CUBN: variants seen among roughly 807,000 people sequenced by gnomAD.
CUBN encodes cubilin.
Under a neutral mutation model 405.3 loss-of-function variants are expected in CUBN, and 282 were observed. The observed-to-expected ratio is 0.70, with a 90% confidence interval of 0.63 to 0.77. CUBN has a LOEUF of 0.77. CUBN is among the 30% of genes least tolerant of loss of function. CUBN has a pLI of 0.00. For synonymous variants in CUBN, 1,684 were observed against 1,617.0 expected, an observed-to-expected ratio of 1.04 and a Z score of -0.99; for missense variants, 4,514 against 4,475.2, an observed-to-expected ratio of 1.01 and a Z score of -0.25.
At chr10:16,975,505 A>G (rs777087201) in intron 31 of CUBN, among the ~76,000 whole-genome samples, 8 of 152,172 alleles carry the variant, frequency 5.3e-5, no homozygotes, top group Non-Finnish European at 7.3e-5. Context: ...TCTGCACTGT[A>G]TCAAAGAAAA....
intron 27 of CUBN, among the ~76,000 whole-genome samples, chr10:17,038,463 G>C (rs1834945670): frequency 6.6e-6 from 1 of 152,152 alleles, no homozygotes; most frequent in Admixed American, 6.5e-5. Context: ...AAATAATAAA[G>C]GATGCATTTG....
At chr10:17,103,304 C>T in intron 12 of CUBN, 67 bp from the exon 13 acceptor site, 4 of 941,454 alleles carry the variant, frequency 4.2e-6, no homozygotes, top group Non-Finnish European at 7.0e-6. Flanking sequence ...GCAACTGTAA[C>T]CCTGCTGCTG....
chr10:16,877,768 T>A (rs1371563943), intron 56 of CUBN, among the ~76,000 whole-genome samples: 1 of 151,676 alleles, frequency 6.6e-6, no homozygotes, highest in Non-Finnish European at 1.5e-5. Context: ...CAGCCTACCA[T>A]CCCCCAAAGA....
rs965731779 is a variant in CUBN at position 16,991,139 on chromosome 10, T to A, written c.4169-624A>T. On this transcript the variant is annotated intron_variant, in intron 28 of 66. Coordinates refer to ENST00000377833, the MANE Select transcript of CUBN (RefSeq NM_001081.4). ...CAGCATGTGTTTCAGAATCTTGATA[T>A]GTCATGCCTTAGAAAGCCATTCAGG... 3.9e-5 allele frequency among the ~76,000 whole-genome samples: 6 copies of A among 152,242 alleles called. No individual in the cohort carries two copies. In the South Asian group the frequency reaches 6.2e-4, roughly 16 times the overall value.
chr10:16,869,138 C>T (rs1323519798), intron 59 of CUBN, among the ~76,000 whole-genome samples: 1 of 151,260 alleles, frequency 6.6e-6, no homozygotes, highest in Non-Finnish European at 1.5e-5. Context: ...GTTCTTCTAG[C>T]CTTCCTCCAC....
chr10:16,986,511 T>C (rs563215699), intron 29 of CUBN, among the ~76,000 whole-genome samples: 1 of 152,122 alleles, frequency 6.6e-6, no homozygotes, highest in African/African-American at 2.4e-5. Context: ...GAAACGGCTG[T>C]TACACAGAGG....
At chr10:16,828,691 C>T in intron 66 of CUBN, 114 bp downstream of exon 66, 1 of 855,732 alleles carries the variant, frequency 1.2e-6, no homozygotes, top group Non-Finnish European at 1.9e-6. Context: ...CACTGCACTC[C>T]AGCCTGGGTG....
intron 9 of CUBN, 81 bp from the exon 10 acceptor site, chr10:17,109,816 T>A: frequency 6.6e-6 from 7 of 1,066,416 alleles, no homozygotes; most frequent in Non-Finnish European, 1.0e-5. Context: ...TCAAATATCA[T>A]GAAATGGACC....
At chr10:17,065,682 G>A (rs768862207) in intron 21 of CUBN, 44 bp from the exon 22 acceptor site, 1 of 1,610,276 alleles carries the variant, frequency 6.2e-7, no homozygotes, top group East Asian at 2.2e-5. Flanking sequence ...TTTTAGTTTG[G>A]TATACTGAAA....
At chr10:17,128,387 A>C (rs1296323980) in intron 2 of CUBN, among the ~76,000 whole-genome samples, 1 of 152,230 alleles carries the variant, frequency 6.6e-6, no homozygotes, top group Non-Finnish European at 1.5e-5. Context: ...AGCACAGTGG[A>C]TGGCCCACAG....
chr10:16,879,450 T>A (rs1840606938), intron 56 of CUBN, among the ~76,000 whole-genome samples: 1 of 152,234 alleles, frequency 6.6e-6, no homozygotes, highest in African/African-American at 2.4e-5. Flanking sequence ...TACTTACAAA[T>A]GCCCCATTGG....
rs1842174610 is a variant in CUBN, at chr10:16,925,831, A to G, written c.6272-57T>C. 5 of 1,520,490 alleles carry G rather than the reference A, an allele frequency of 3.3e-6. No individual in the cohort carries two copies. The African/African-American group carries it at 6.9e-5, about 21-fold the overall frequency. The allele number at this position is 1,520,490 out of a possible 1,614,324, so 94.2% of individuals were successfully genotyped here. On this transcript the variant is annotated intron_variant, in intron 41 of 66. Coordinates refer to ENST00000377833, the MANE Select transcript of CUBN (RefSeq NM_001081.4). ...AAATAGCATTGGCAACTGGATTTTT[A>G]TGCTTTCTTAGTTTTCTTGGGGGGT...
intron 22 of CUBN, among the ~76,000 whole-genome samples, chr10:17,064,076 G>T (rs181252263): frequency 9.2e-5 from 14 of 152,334 alleles, no homozygotes; most frequent in Admixed American, 4.6e-4. Flanking sequence ...ATGAAGTCCA[G>T]TGAATACGTC....
chr10:16,929,835 G>A (rs891163952), intron 40 of CUBN, among the ~76,000 whole-genome samples: 9 of 152,126 alleles, frequency 5.9e-5, no homozygotes, highest in African/African-American at 2.2e-4. Flanking sequence ...ATTAGTTCAC[G>A]TGTATATTTT....
chr10:17,028,229 ATT>A (rs1161343388), intron 27 of CUBN, among the ~76,000 whole-genome samples: 3 of 5,846 alleles, frequency 5.1e-4, no homozygotes, highest in Non-Finnish European at 3.8e-3. Flanking sequence ...CTAAACATTT[ATT>A]ATTATTATTA....
intron 34 of CUBN, among the ~76,000 whole-genome samples, chr10:16,949,102 C>A (rs555758439): frequency 2.0e-4 from 31 of 152,264 alleles, no homozygotes; most frequent in African/African-American, 7.2e-4. Context: ...AATAATGAAA[C>A]CTATCTCATA....
At chr10:16,979,543 C>G (rs961701125) in intron 31 of CUBN, among the ~76,000 whole-genome samples, 6 of 152,146 alleles carry the variant, frequency 3.9e-5, no homozygotes, top group Non-Finnish European at 1.5e-5. Context: ...CGCCACACAT[C>G]TACAACCATC....
At chr10:16,935,353 C>T (rs1842470687) in intron 39 of CUBN, among the ~76,000 whole-genome samples, 1 of 151,818 alleles carries the variant, frequency 6.6e-6, no homozygotes, top group Non-Finnish European at 1.5e-5. Context: ...GGGTCTCCCT[C>T]TGTTGCCCAG....
intron 17 of CUBN, among the ~76,000 whole-genome samples, chr10:17,078,299 C>T (rs80119430): frequency 0.036 from 5,441 of 152,118 alleles, 224 homozygotes; most frequent in South Asian, 0.22. Flanking sequence ...GGTCTATTTC[C>T]AATTATTTTA....
Sources: gnomAD v4.1 joint callset for allele counts (sites outside exome capture counted in the v4.1 genomes callset) on GRCh38, gnomAD v4.1.1 for gene constraint, MANE v1.5 for transcripts, NCBI Gene and HGNC (gene_info 2026-07-23, HGNC 2026-07-21) for gene names.